Variants in PTCH1 observed in about 807,000 individuals in gnomAD.
The protein encoded by PTCH1 is patched 1.
PTCH1 carries 14 observed loss-of-function variants against 144.6 expected under a neutral mutation model. The ratio of observed to expected loss-of-function variants is 0.10; its 90% CI spans 0.06 to 0.15. The LOEUF is 0.15. Among genes scored for constraint, PTCH1 ranks in the 10% least tolerant of loss-of-function variants. PTCH1 has a pLI of 1.00. For synonymous variants in PTCH1, 833 were observed against 793.6 expected, an observed-to-expected ratio of 1.05 and a Z score of -0.83; for missense variants, 1,623 against 1,948.3, an observed-to-expected ratio of 0.83 and a Z score of 3.14.
At chr9:95,493,131 C>A (rs1842542463) in intron 2 of PTCH1, among the ~76,000 whole-genome samples, 1 of 152,194 alleles carries the variant, frequency 6.6e-6, no homozygotes, top group Non-Finnish European at 1.5e-5. Context: ...GGTGGGATGC[C>A]AGCTGACCCA....
Position 95,481,792 on chromosome 9 carries a change from C to A in PTCH1, c.746+157G>T, listed in dbSNP as rs191566137. ...AGAGAAAAAACATTCTGCTGAAATC[C>A]CCTCTCCCCCGACTATTCACTCAAA... On this transcript the variant is annotated intron_variant, in intron 5 of 23. Coordinates refer to ENST00000331920, the MANE Select transcript of PTCH1 (RefSeq NM_000264.5). The A allele has an allele frequency of 2.0e-5, 14 of 701,606 alleles. No individual in the cohort carries two copies. The African/African-American group carries it at 2.5e-4, about 13-fold the overall frequency. 43.5% of individuals were successfully genotyped at this position (701,606 alleles called of 1,614,324 possible). A position where few individuals can be genotyped will look rare whatever the true frequency, so the allele number is the denominator to read the frequency against.
At chr9:95,460,308 C>T (rs1487232849) in intron 16 of PTCH1, among the ~76,000 whole-genome samples, 2 of 152,166 alleles carry the variant, frequency 1.3e-5, no homozygotes, top group African/African-American at 2.4e-5. Flanking sequence ...GTGCAAGGGA[C>T]GAGTGCACAC....
At chr9:95,463,048 C>T (rs889152234) in intron 15 of PTCH1, among the ~76,000 whole-genome samples, 1 of 151,360 alleles carries the variant, frequency 6.6e-6, no homozygotes, top group Non-Finnish European at 1.5e-5. Flanking sequence ...CTCCCAAGCC[C>T]CAGCAGCTCA....
intron 14 of PTCH1, among the ~76,000 whole-genome samples, 191 bp downstream of exon 14, chr9:95,468,560 T>C (rs369769535): frequency 6.6e-6 from 1 of 152,200 alleles, no homozygotes; most frequent in African/African-American, 2.4e-5. Context: ...TTCACTCCCA[T>C]GGAAGATGAC....
intron 2 of PTCH1, among the ~76,000 whole-genome samples, chr9:95,504,301 G>C (rs899915083): frequency 6.6e-6 from 1 of 152,134 alleles, no homozygotes; most frequent in Non-Finnish European, 1.5e-5. Context: ...TACACAACTG[G>C]CAGCTCCCAT....
At chr9:95,451,749 AAAAG>A (rs1431826993) in intron 20 of PTCH1, 6 of 152,270 alleles carry the variant, frequency 3.9e-5, no homozygotes, top group African/African-American at 1.4e-4. Context: ...GTAAATATGC[AAAAG>A]AAACTCTACT....
At chr9:95,507,860 G>A (rs1843830938) in intron 1 of PTCH1, 2 of 1,169,640 alleles carry the variant, frequency 1.7e-6, no homozygotes, top group Non-Finnish European at 2.2e-6. Context: ...GCCGTGGACG[G>A]CTTTCCAGTG....
chr9:95,480,428 C>G lies in PTCH1; in HGVS notation c.907G>C (p.Asp303His), dbSNP rs1172719429. ...DRPCLNPADP[D>H]CPATAPNKNS... ...TTGTTGGGGGCTGTGGCGGGGCAGT[C>G]TGGATCGGCCGGATTGAGGCAGGGG... Residue 303 changes from aspartate (D) to histidine (H), a missense_variant, in exon 6 of 24, where the codon GAC becomes CAC. Around this residue, in one of 7 missense-constraint regions of PTCH1, gnomAD observed 230 missense variants for 271.0 expected, o/e 0.85. Transcript: ENST00000331920. The G allele has an allele frequency of 1.9e-6, 3 of 1,611,044 alleles. No individual in the cohort carries two copies. Among genetic ancestry groups the G allele is most frequent in the Non-Finnish European group, 1.7e-6 (2 of 1,179,620 alleles).
intron 2 of PTCH1, among the ~76,000 whole-genome samples, chr9:95,503,550 A>AGAAT (rs111557741): frequency 0.01 from 1,568 of 152,222 alleles, 28 homozygotes; most frequent in African/African-American, 0.034. Context: ...AATCTAGCAC[A>AGAAT]GAATGAATGA....
intron 12 of PTCH1, among the ~76,000 whole-genome samples, chr9:95,472,610 G>A (rs1382292929): frequency 6.6e-6 from 1 of 152,200 alleles, no homozygotes; most frequent in Non-Finnish European, 1.5e-5. Context: ...AGGATGAGGA[G>A]AGCAGAGGTT....
chr9:95,466,382 T>C (rs1194226059), intron 15 of PTCH1, among the ~76,000 whole-genome samples: 7 of 152,176 alleles, frequency 4.6e-5, no homozygotes, highest in African/African-American at 1.7e-4. Flanking sequence ...TAATTATTTA[T>C]AAAATAATGT....
intron 16 of PTCH1, among the ~76,000 whole-genome samples, chr9:95,460,432 G>A (rs760379630): frequency 6.6e-6 from 1 of 152,190 alleles, no homozygotes; most frequent in Non-Finnish European, 1.5e-5. Context: ...CTTTGCTGAG[G>A]TGGGGAACTC....
chr9:95,478,127 C>G lies in PTCH1; in HGVS notation c.1275G>C (p.Thr425=), dbSNP rs150837425. The change falls in exon 9 of 24, where the codon ACG becomes ACC. Residue 425 remains threonine (T), a synonymous_variant. Transcript: ENST00000331920. The part of the protein sequence containing the change: ...STQKVLSFTT[T]TLDDILKSFS... Reference sequence around the variant, plus strand: ...AGGATTTCAGGATGTCGTCCAGGGTCGTGGTGGTGAAGGAAAGCACCTTTT... The same window carrying G: ...AGGATTTCAGGATGTCGTCCAGGGTGGTGGTGGTGAAGGAAAGCACCTTTT... The G allele has an allele frequency of 3.7e-6, 6 of 1,614,150 alleles. No homozygotes were observed. The highest frequency in any genetic ancestry group is 5.1e-6 in the Non-Finnish European group (6 of 1,180,040).
At chr9:95,453,389 T>C (rs1838641128) in intron 20 of PTCH1, 89 bp downstream of exon 20, 1 of 1,591,628 alleles carries the variant, frequency 6.3e-7, no homozygotes, top group East Asian at 2.2e-5. Context: ...CTCGGCCTCC[T>C]AAAGTGCTGG....
intron 3 of PTCH1, chr9:95,483,424 AAAAAG>A (rs1680828534): frequency 6.6e-6 from 1 of 151,424 alleles, no homozygotes; most frequent in African/African-American, 2.4e-5. Context: ...AAAAAAAAAA[AAAAAG>A]AAAGAAACAC....
chr9:95,509,502 G>A (rs1456940951), upstream of PTCH1, among the ~76,000 whole-genome samples: 1 of 152,216 alleles, frequency 6.6e-6, no homozygotes, highest in Non-Finnish European at 1.5e-5. Context: ...CAACCTTCTC[G>A]CATGCAATAC....
chr9:95,461,781 G>A (rs2136684872), intron 16 of PTCH1, 75 bp downstream of exon 16: 6 of 1,588,902 alleles, frequency 3.8e-6, no homozygotes, highest in Admixed American at 1.7e-5. Context: ...GGGGTCACAC[G>A]CTGTCAAGCA....
At chr9:95,472,711 T>C (rs1840687801) in intron 12 of PTCH1, among the ~76,000 whole-genome samples, 1 of 152,134 alleles carries the variant, frequency 6.6e-6, no homozygotes, top group African/African-American at 2.4e-5. Flanking sequence ...TCCGTGTCCA[T>C]GACGGAAATG....
Position 95,449,576 on chromosome 9 carries a change from G to C in PTCH1, c.3550-253C>G. 1 of 631,672 alleles carries C rather than the reference G, an allele frequency of 1.6e-6. No homozygotes were observed. Among genetic ancestry groups the C allele is most frequent in the Non-Finnish European group, 2.8e-6 (1 of 362,998 alleles). 39.1% of individuals were successfully genotyped at this position (631,672 alleles called of 1,614,324 possible). A position where few individuals can be genotyped will look rare whatever the true frequency, so the allele number is the denominator to read the frequency against. ...TTTTACTCTTGTGAAGTCCAATTAT[G>C]CATCTCAAGGGGAAAGTCTTCATTT... On this transcript the variant is annotated intron_variant, in intron 21 of 23. Coordinates refer to ENST00000331920, the MANE Select transcript of PTCH1 (RefSeq NM_000264.5). This position sits in a 1 kb window ranked among gnomAD's most constrained non-coding sequence, Gnocchi z 5.3.
Sources: allele counts gnomAD v4.1 joint callset (sites outside exome capture counted in the v4.1 genomes callset), GRCh38; gene constraint gnomAD v4.1.1; regional missense constraint gnomAD v4.1.1; non-coding constraint Gnocchi (gnomAD v3.1); transcripts MANE v1.5; gene names NCBI Gene and HGNC (gene_info 2026-07-23, HGNC 2026-07-21).